The following ABHD2 variants were observed in gnomAD, a reference collection of about 807,000 sequenced individuals.
The protein encoded by ABHD2 is monoacylglycerol lipase ABHD2.
Under a neutral mutation model 48.1 loss-of-function variants are expected in ABHD2, and 20 were observed. The ratio of observed to expected loss-of-function variants is 0.42; its 90% CI spans 0.29 to 0.60. ABHD2 has a LOEUF of 0.60. Ranked by LOEUF, ABHD2 falls within the 20% of genes least tolerant of loss-of-function variation. The pLI is 0.24. For synonymous variants in ABHD2, 209 were observed against 214.2 expected (o/e 0.98, Z 0.21); for missense variants, 405 against 550.9 (o/e 0.74, Z 2.65).
the ABHD2 span, among the ~76,000 whole-genome samples, chr15:89,071,537 A>C: frequency 6.6e-6 from 1 of 152,226 alleles, no homozygotes; most frequent in Non-Finnish European, 1.5e-5. Flanking sequence ...TGCAGTTTAT[A>C]CAGTATTTTC....
At chr15:89,066,483 C>T in the ABHD2 span, among the ~76,000 whole-genome samples, 1 of 152,174 alleles carries the variant, frequency 6.6e-6, no homozygotes, top group South Asian at 2.1e-4. Flanking sequence ...AACTTGATTA[C>T]ATCTGCAAAA....
chr15:89,108,351 A>G (rs1165673589), intron 1 of ABHD2, among the ~76,000 whole-genome samples: 3 of 152,134 alleles, frequency 2.0e-5, no homozygotes, highest in Non-Finnish European at 4.4e-5. Context: ...CTCCACTTCC[A>G]TCTTCACGTG....
chr15:89,195,505 C>T lies in ABHD2; in HGVS notation c.*82C>T. ...CCCCCTGTTTCAGGTCTCCCATCTCCCTCAGTGACCTGGATCTGACCTCAC... is the reference window on the plus strand; with the variant it reads ...CCCCCTGTTTCAGGTCTCCCATCTCTCTCAGTGACCTGGATCTGACCTCAC... On this transcript the variant is annotated 3_prime_UTR_variant, in exon 11 of 11. Coordinates refer to ENST00000352732, the MANE Select transcript of ABHD2 (RefSeq NM_152924.5). The surrounding 1 kb of genome is among the most constrained non-coding windows in gnomAD (Gnocchi z 5.1). 6.9e-7 allele frequency: 1 copy of T among 1,447,946 alleles called. No individual in the cohort carries two copies. Among genetic ancestry groups the T allele is most frequent in the South Asian group, 1.3e-5 (1 of 75,012 alleles). The allele number at this position is 1,447,946 out of a possible 1,614,324, so 89.7% of individuals were successfully genotyped here.
chr15:89,115,028 C>T (rs774309521), intron 2 of ABHD2, among the ~76,000 whole-genome samples: 3 of 152,220 alleles, frequency 2.0e-5, no homozygotes, highest in Non-Finnish European at 4.4e-5. Flanking sequence ...TCTGAGTCCT[C>T]TCTGGACTTA....
chr15:89,110,932 ATTC>A (rs2049864647), intron 1 of ABHD2, among the ~76,000 whole-genome samples: 1 of 152,220 alleles, frequency 6.6e-6, no homozygotes, highest in Admixed American at 6.5e-5. Context: ...TTTTTAAATA[ATTC>A]TGTGCCAGAT....
At chr15:89,056,560 G>A in the ABHD2 span, among the ~76,000 whole-genome samples, 3 of 152,044 alleles carry the variant, frequency 2.0e-5, no homozygotes, top group South Asian at 2.1e-4. Flanking sequence ...GGAGAATGAC[G>A]TGAACCCGGG....
At chr15:89,069,385 T>C in the ABHD2 span, among the ~76,000 whole-genome samples, 1 of 151,940 alleles carries the variant, frequency 6.6e-6, no homozygotes, top group African/African-American at 2.4e-5. Flanking sequence ...ACTTCAGCCT[T>C]CCAAGTAACT....
Position 89,114,367 on chromosome 15 carries a change from C to T in ABHD2, c.-7+543C>T, listed in dbSNP as rs186576948. On this transcript the variant is annotated intron_variant, in intron 2 of 10. Transcript: ENST00000352732. The surrounding 1 kb of genome is among the most constrained non-coding windows in gnomAD (Gnocchi z 4.2). ...TTAGACCGCAGGATCCCACAGGGAACCCACAGACCCCAAGTTAAGGATCCT... is the reference window on the plus strand; with the variant it reads ...TTAGACCGCAGGATCCCACAGGGAATCCACAGACCCCAAGTTAAGGATCCT... 6.6e-6 allele frequency among the ~76,000 whole-genome samples: 1 copy of T among 152,314 alleles called. No homozygotes were observed. Among genetic ancestry groups the T allele is most frequent in the Non-Finnish European group, 1.5e-5 (1 of 68,030 alleles).
rs140169692 is a variant in ABHD2 at position 89,152,750 on chromosome 15, T to C, written c.370+898T>C. 2.6e-3 allele frequency among the ~76,000 whole-genome samples: 397 copies of C among 152,298 alleles called. 1 individual carries two copies. The highest frequency in any genetic ancestry group is 4.3e-3 in the Non-Finnish European group (295 of 68,018). ...GTCTAGGACACCTATTTCTGAGAGA[T>C]AACTGAAATTTTCATTGCTGCTGGA... is the stretch of plus-strand genomic sequence containing the variant. On this transcript the variant is annotated intron_variant, in intron 4 of 10. Transcript: ENST00000352732.
At position 89,097,899 on chromosome 15, in the gene ABHD2, T is replaced by G. The variant is rs142282440; in HGVS notation, c.-107+9336T>G. On this transcript the variant is annotated intron_variant, in intron 1 of 10. Transcript: ENST00000352732. This position sits in a 1 kb window ranked among gnomAD's most constrained non-coding sequence, Gnocchi z 4.2. Reference sequence around the variant, plus strand: ...TTATACATGTTAGCAAATTTCTTGTTTTTTCTTTTTTGAGACAGTCTCACT... The same window carrying G: ...TTATACATGTTAGCAAATTTCTTGTGTTTTCTTTTTTGAGACAGTCTCACT... 8.3e-4 allele frequency among the ~76,000 whole-genome samples: 127 copies of G among 152,304 alleles called. 8 individuals are homozygous for G. Among genetic ancestry groups the G allele is most frequent in the Non-Finnish European group, 1.9e-4 (13 of 68,014 alleles).
At chr15:89,069,326 C>CAA in the ABHD2 span, among the ~76,000 whole-genome samples, 1 of 151,902 alleles carries the variant, frequency 6.6e-6, no homozygotes, top group Non-Finnish European at 1.5e-5. Context: ...TGAGGTCTCA[C>CAA]TATTTTTCCA....
chr15:89,101,427 C>T (rs574258448), intron 1 of ABHD2, among the ~76,000 whole-genome samples: 8 of 152,320 alleles, frequency 5.3e-5, no homozygotes, highest in African/African-American at 1.9e-4. Context: ...GGCAATTACT[C>T]ATAAAGGCCT....
chr15:89,171,185 C>G (rs1305284712), intron 5 of ABHD2, among the ~76,000 whole-genome samples: 9 of 152,186 alleles, frequency 5.9e-5, no homozygotes, highest in Non-Finnish European at 1.3e-4. Flanking sequence ...AGTGTGGTCT[C>G]TGGACCAACA....
chr15:89,056,916 T>G, the ABHD2 span, among the ~76,000 whole-genome samples: 1 of 147,024 alleles, frequency 6.8e-6, no homozygotes, highest in Non-Finnish European at 1.5e-5. Flanking sequence ...ACCTTTTTTT[T>G]TTTTTTTTTT....
intron 3 of ABHD2, among the ~76,000 whole-genome samples, chr15:89,118,747 T>A (rs745455536): frequency 7.2e-5 from 11 of 152,234 alleles, no homozygotes; most frequent in Non-Finnish European, 1.3e-4. Flanking sequence ...CATGTAAGGT[T>A]TGATTCCATA....
In ABHD2 at chr15:89,201,892, C is replaced by T; in HGVS notation, c.*6469C>T. The T allele has an allele frequency of 3.1e-6, 2 of 652,634 alleles. No individual in the cohort carries two copies. The highest frequency in any genetic ancestry group is 5.3e-6 in the Non-Finnish European group (2 of 375,552). The allele number at this position is 652,634 out of a possible 1,614,324, so 40.4% of individuals were successfully genotyped here. On this transcript the variant is annotated 3_prime_UTR_variant, in exon 11 of 11. Coordinates refer to ENST00000352732, the MANE Select transcript of ABHD2 (RefSeq NM_152924.5). Reference sequence around the variant, plus strand: ...GAGGGGGAGCGAGTTCGCATCTCTCCTTTTCCTGGTTAGACTCTGTTCAAC... The same window carrying T: ...GAGGGGGAGCGAGTTCGCATCTCTCTTTTTCCTGGTTAGACTCTGTTCAAC...
the ABHD2 span, among the ~76,000 whole-genome samples, chr15:89,062,547 A>G: frequency 6.6e-6 from 1 of 151,896 alleles, no homozygotes; most frequent in Non-Finnish European, 1.5e-5. Flanking sequence ...ACACAACACC[A>G]CACCTAAGTT....
the ABHD2 span, among the ~76,000 whole-genome samples, chr15:89,061,054 T>A: frequency 2.7e-4 from 41 of 152,066 alleles, no homozygotes; most frequent in South Asian, 8.1e-3. Context: ...ATGGACATAA[T>A]GATGGAAACA....
Position 89,104,385 on chromosome 15 carries a change from C to T in ABHD2, c.-106-9340C>T, listed in dbSNP as rs943743764. 2 of 152,174 alleles carry T rather than the reference C, an allele frequency of 1.3e-5. No individual in the cohort carries two copies. Among genetic ancestry groups the T allele is most frequent in the Admixed American group, 6.5e-5 (1 of 15,278 alleles). 9.4% of individuals were successfully genotyped at this position (152,174 alleles called of 1,614,324 possible). A position where few individuals can be genotyped will look rare whatever the true frequency, so the allele number is the denominator to read the frequency against. ...CTGAATTGGCAGGGGAGGAGAGGGT[C>T]GTGGCCCATTGGTCATTGGTCGGGT... is the stretch of plus-strand genomic sequence containing the variant. On this transcript the variant is annotated intron_variant, in intron 1 of 10. Coordinates refer to ENST00000352732, the MANE Select transcript of ABHD2 (RefSeq NM_152924.5). This position sits in a 1 kb window ranked among gnomAD's most constrained non-coding sequence, Gnocchi z 4.4.
Sources: allele counts gnomAD v4.1 joint callset (sites outside exome capture counted in the v4.1 genomes callset), GRCh38; gene constraint gnomAD v4.1.1; non-coding constraint Gnocchi (gnomAD v3.1); transcripts MANE v1.5; gene names NCBI Gene and HGNC (gene_info 2026-07-23, HGNC 2026-07-21).